AGBL1: variants seen among roughly 807,000 people sequenced by gnomAD.
AGBL1 encodes AGBL carboxypeptidase 1.
Under a neutral mutation model 118.9 loss-of-function variants are expected in AGBL1, and 130 were observed. The ratio of observed to expected loss-of-function variants is 1.09; its 90% CI spans 0.95 to 1.26. AGBL1 has a LOEUF of 1.26. Among genes scored for constraint, AGBL1 ranks in the 50% most tolerant of loss-of-function variants. AGBL1 has a pLI of 0.00. For synonymous variants in AGBL1, 555 were observed against 478.9 expected, an observed-to-expected ratio of 1.16 and a Z score of -2.08; for missense variants, 1,584 against 1,298.1, an observed-to-expected ratio of 1.22 and a Z score of -3.38.
intron 21 of AGBL1, among the ~76,000 whole-genome samples, chr15:86,576,823 T>C (rs1328941706): frequency 6.6e-6 from 1 of 152,206 alleles, no homozygotes; most frequent in East Asian, 1.9e-4. Flanking sequence ...CTCTCTCTTT[T>C]TGCCTGCTGC....
intron 22 of AGBL1, among the ~76,000 whole-genome samples, chr15:86,828,941 T>TATATATATATAC (rs1338556427): frequency 7.5e-6 from 1 of 133,946 alleles, no homozygotes; most frequent in African/African-American, 2.7e-5. Flanking sequence ...TATATATATA[T>TATATATATATAC]ACTGTGTATT....
At chr15:86,256,277 C>T (rs1216537455) in intron 7 of AGBL1, among the ~76,000 whole-genome samples, 1 of 152,080 alleles carries the variant, frequency 6.6e-6, no homozygotes, top group Non-Finnish European at 1.5e-5. Context: ...TGGGAAGGTA[C>T]CAAGAGGGAT....
At chr15:86,739,470 A>AG (rs1567149486) in intron 22 of AGBL1, among the ~76,000 whole-genome samples, 2 of 146,554 alleles carry the variant, frequency 1.4e-5, no homozygotes, top group African/African-American at 5.4e-5. Context: ...AAAAAAGTAA[A>AG]AGAGAAAAAA....
chr15:86,688,909 T>C (rs1393324119), intron 22 of AGBL1, among the ~76,000 whole-genome samples: 1 of 152,152 alleles, frequency 6.6e-6, no homozygotes, highest in East Asian at 1.9e-4. Context: ...ACTTGCTTTC[T>C]GTCCCTAAAT....
At chr15:86,110,952 G>C (rs1250459602) in intron 1 of AGBL1, among the ~76,000 whole-genome samples, 1 of 152,162 alleles carries the variant, frequency 6.6e-6, no homozygotes, top group Non-Finnish European at 1.5e-5. Context: ...TGAAAGCTCT[G>C]TGCCACCCAG....
At chr15:86,461,201 G>T (rs1183107678) in intron 18 of AGBL1, among the ~76,000 whole-genome samples, 1 of 152,062 alleles carries the variant, frequency 6.6e-6, no homozygotes, top group East Asian at 1.9e-4. Flanking sequence ...CCCCATCGGT[G>T]GTAGGGTGTG....
chr15:86,683,826 G>A lies in AGBL1; in HGVS notation c.3158+9390G>A, dbSNP rs185773420. Among the ~76,000 whole-genome samples, 7 of 152,282 alleles carry A rather than the reference G, an allele frequency of 4.6e-5. No individual in the cohort carries two copies. In the East Asian group the frequency reaches 1.4e-3, roughly 29 times the overall value. On this transcript the variant is annotated intron_variant, in intron 22 of 22. Transcript: ENST00000614907. ...GAAGTTTTCCCAAACAGGAGCAGTT[G>A]TTGTCATTTAAGAAGGCTTCAAATA...
At chr15:86,177,946 A>C (rs1468692113) in intron 5 of AGBL1, among the ~76,000 whole-genome samples, 1 of 152,166 alleles carries the variant, frequency 6.6e-6, no homozygotes, top group African/African-American at 2.4e-5. Context: ...AATAGAAATA[A>C]ATAAAATTAC....
intron 22 of AGBL1, among the ~76,000 whole-genome samples, chr15:86,747,953 C>G (rs534609898): frequency 5.0e-4 from 76 of 152,244 alleles, no homozygotes; most frequent in African/African-American, 1.8e-3. Flanking sequence ...GTGCATGTGA[C>G]TTTATAGCAG....
chr15:86,444,117 A>G (rs1192049449), intron 18 of AGBL1, among the ~76,000 whole-genome samples: 1 of 152,056 alleles, frequency 6.6e-6, no homozygotes, highest in African/African-American at 2.4e-5. Flanking sequence ...CCAGCACTTG[A>G]TATCTTTTGT....
intron 22 of AGBL1, among the ~76,000 whole-genome samples, chr15:86,727,414 T>C (rs1161949457): frequency 1.3e-5 from 2 of 152,012 alleles, no homozygotes; most frequent in Non-Finnish European, 2.9e-5. Flanking sequence ...ATATCATTAA[T>C]TTTTTTTAAA....
At chr15:86,177,189 T>C (rs1040950282) in intron 5 of AGBL1, among the ~76,000 whole-genome samples, 4 of 152,214 alleles carry the variant, frequency 2.6e-5, no homozygotes, top group African/African-American at 9.6e-5. Flanking sequence ...GAGCATAGCA[T>C]ATTGCCAGGT....
intron 3 of AGBL1, among the ~76,000 whole-genome samples, chr15:86,151,902 T>A (rs1468335187): frequency 6.6e-6 from 1 of 152,056 alleles, no homozygotes; most frequent in African/African-American, 2.4e-5. Context: ...AAATCATGAG[T>A]GAACTCCCAT....
chr15:86,187,033 G>A (rs2077643405), intron 5 of AGBL1, among the ~76,000 whole-genome samples: 1 of 152,120 alleles, frequency 6.6e-6, no homozygotes, highest in Non-Finnish European at 1.5e-5. Context: ...TAACGTTATA[G>A]CAAACAAAGT....
At chr15:86,604,890 G>A (rs545495874) in intron 21 of AGBL1, among the ~76,000 whole-genome samples, 22 of 150,728 alleles carry the variant, frequency 1.5e-4, no homozygotes, top group African/African-American at 5.1e-4. Context: ...CCGCCTCCTG[G>A]GTTCAAACAA....
rs148123718 is a variant in AGBL1, at chr15:86,716,257, A to G, written c.3158+41821A>G. On this transcript the variant is annotated intron_variant, in intron 22 of 22. Coordinates refer to ENST00000614907, the MANE Select transcript of AGBL1 (RefSeq NM_001386094.1). ...GATGCTATACACTGCAGAGTGTTAC[A>G]GTGAAGGTGACTGCTAAATACTCAA... Among the ~76,000 whole-genome samples, 337 of 152,084 alleles carry G rather than the reference A, an allele frequency of 2.2e-3. 1 individual carries two copies. The highest frequency in any genetic ancestry group is 3.4e-3 in the Non-Finnish European group (234 of 68,002).
At chr15:86,761,917 G>T (rs1023051853) in intron 22 of AGBL1, among the ~76,000 whole-genome samples, 8 of 152,034 alleles carry the variant, frequency 5.3e-5, no homozygotes, top group Admixed American at 5.2e-4. Context: ...CCATGCCTAT[G>T]TACTGAATGG....
intron 22 of AGBL1, among the ~76,000 whole-genome samples, chr15:86,883,417 C>A (rs1041553144): frequency 2.0e-5 from 3 of 152,204 alleles, no homozygotes; most frequent in African/African-American, 4.8e-5. Context: ...TCCCATAATG[C>A]AGGATTTTGT....
intron 18 of AGBL1, among the ~76,000 whole-genome samples, chr15:86,408,892 A>G (rs4553592): frequency 0.54 from 82,251 of 151,798 alleles, 24,352 homozygotes; most frequent in East Asian, 0.83. Flanking sequence ...CCCTCACTGG[A>G]AAAAAAGTAG....
Sources: allele counts gnomAD v4.1 joint callset (sites outside exome capture counted in the v4.1 genomes callset), GRCh38; gene constraint gnomAD v4.1.1; transcripts MANE v1.5; gene names NCBI Gene and HGNC (gene_info 2026-07-23, HGNC 2026-07-21).